DOCK2: variants seen among roughly 807,000 people sequenced by gnomAD.
DOCK2 encodes dedicator of cytokinesis protein 2.
A neutral mutation model predicts 248.9 loss-of-function variants in DOCK2; 87 were observed. The observed-to-expected ratio is 0.35, with a 90% CI of 0.29 to 0.42. DOCK2 has a LOEUF of 0.42. Ranked by LOEUF, DOCK2 falls within the 10% of genes least tolerant of loss-of-function variation. The probability of loss-of-function intolerance (pLI) is 1.00; values close to 1 mark genes in which losing one functional copy is unlikely to be tolerated. For synonymous variants in DOCK2, 805 were observed against 821.6 expected (o/e 0.98, Z 0.35); for missense variants, 1,747 against 2,300.2 (o/e 0.76, Z 4.92).
chr5:170,070,922 A>G (rs997145064), intron 46 of DOCK2, among the ~76,000 whole-genome samples: 5 of 152,352 alleles, frequency 3.3e-5, no homozygotes, highest in African/African-American at 1.2e-4. Context: ...GAAGGCTTTG[A>G]AAGCATGTAC....
chr5:169,972,300 A>G (rs1428554758), intron 27 of DOCK2, among the ~76,000 whole-genome samples: 1 of 152,162 alleles, frequency 6.6e-6, no homozygotes, highest in Non-Finnish European at 1.5e-5. Flanking sequence ...ATCATTTAGT[A>G]TCATAATGTA....
Position 169,747,442 on chromosome 5 carries a change from C to T in DOCK2, c.2314C>T (p.Arg772Trp), listed in dbSNP as rs746741865. 7 of 1,613,618 alleles carry T rather than the reference C, an allele frequency of 4.3e-6. No individual in the cohort carries two copies. Among genetic ancestry groups the T allele is most frequent in the Non-Finnish European group, 5.9e-6 (7 of 1,179,808 alleles). The change falls in exon 23 of 52, where the codon CGG becomes TGG. Residue 772 changes from arginine (R) to tryptophan (W), a missense_variant. Arg to Trp is a moderately radical substitution (Grantham distance 101, BLOSUM62 -3). Around this residue, in one of 4 missense-constraint regions of DOCK2, gnomAD observed 858 missense variants for 1,183.5 expected, o/e 0.72. Transcript: ENST00000520908. Reference protein sequence around the residue: ...EQMEFEESMRRLFESINNLMK... With the variant: ...EQMEFEESMRWLFESINNLMK... ...GATGGAGTTTGAAGAATCCATGAGA[C>T]GGCTCTTTGAATCCATCAACAATCT...
intron 26 of DOCK2, among the ~76,000 whole-genome samples, chr5:169,816,745 A>T (rs1203466295): frequency 2.6e-5 from 4 of 151,834 alleles, no homozygotes; most frequent in Admixed American, 2.0e-4. Context: ...GGTACGTGAG[A>T]TGTTTTGATA....
intron 34 of DOCK2, among the ~76,000 whole-genome samples, chr5:170,032,000 G>A (rs1756153030): frequency 6.6e-6 from 1 of 151,604 alleles, no homozygotes; most frequent in African/African-American, 2.4e-5. Flanking sequence ...ATGGAAGTTT[G>A]CAAAGTCTTG....
chr5:170,056,878 T>A, intron 43 of DOCK2, 110 bp downstream of exon 43: 1 of 971,442 alleles, frequency 1.0e-6, no homozygotes, highest in East Asian at 2.6e-5. Context: ...CCAGAGAAAA[T>A]AAAGCCAACC....
intron 26 of DOCK2, among the ~76,000 whole-genome samples, chr5:169,836,002 C>T (rs535102580): frequency 1.3e-4 from 20 of 152,152 alleles, no homozygotes; most frequent in Non-Finnish European, 2.4e-4. Context: ...GCAATCTTCC[C>T]GCCTGGGTCT....
At chr5:169,792,994 C>T (rs954245925) in intron 25 of DOCK2, among the ~76,000 whole-genome samples, 3 of 152,118 alleles carry the variant, frequency 2.0e-5, no homozygotes, top group African/African-American at 7.2e-5. Context: ...GGTGCAAGTA[C>T]CTTTCAGAAC....
intron 27 of DOCK2, among the ~76,000 whole-genome samples, chr5:169,895,711 G>A (rs1773557007): frequency 6.6e-6 from 1 of 151,942 alleles, no homozygotes; most frequent in African/African-American, 2.4e-5. Flanking sequence ...ACTTGGCAAA[G>A]CCTTTCTCTT....
At position 169,754,216 on chromosome 5, in the gene DOCK2, T is replaced by C. The variant is rs1764067406; in HGVS notation, c.2377-5489T>C. On this transcript the variant is annotated intron_variant, in intron 23 of 51. Coordinates refer to ENST00000520908, the MANE Select transcript of DOCK2 (RefSeq NM_004946.3). ...TGAGTTTGGAGGCATCCTAGTCTGG[T>C]TTTGATTTTTGTTGTTATGTTTAAA... Among the ~76,000 whole-genome samples, 3 of 152,178 alleles carry C rather than the reference T, an allele frequency of 2.0e-5. No homozygotes were observed. In the South Asian group the frequency reaches 6.2e-4, roughly 32 times the overall value.
rs556313528 is a variant in DOCK2, at chr5:170,056,543, C to T, written c.4296-141C>T. On this transcript the variant is annotated intron_variant, in intron 42 of 51. Coordinates refer to ENST00000520908, the MANE Select transcript of DOCK2 (RefSeq NM_004946.3). ...ACTCTTACGGAGCCCAGAACACAGA[C>T]CTTGATTTTAAATGCACCACAAGGG... 2.4e-5 allele frequency: 15 copies of T among 632,838 alleles called. No homozygotes were observed. In the African/African-American group the frequency reaches 2.8e-4, roughly 12 times the overall value. 39.2% of individuals were successfully genotyped at this position (632,838 alleles called of 1,614,324 possible). A position where few individuals can be genotyped will look rare whatever the true frequency, so the allele number is the denominator to read the frequency against.
chr5:169,833,648 G>A (rs1378644627), intron 26 of DOCK2, among the ~76,000 whole-genome samples: 1 of 152,156 alleles, frequency 6.6e-6, no homozygotes, highest in Non-Finnish European at 1.5e-5. Context: ...GAAAAAAACA[G>A]AAGACATCTG....
At chr5:169,898,873 C>A (rs1773763866) in intron 27 of DOCK2, among the ~76,000 whole-genome samples, 1 of 152,116 alleles carries the variant, frequency 6.6e-6, no homozygotes, top group African/African-American at 2.4e-5. Flanking sequence ...TGTAAAGCAG[C>A]AAGTCAGAGA....
chr5:169,674,241 A>G, intron 5 of DOCK2, 56 bp from the exon 6 acceptor site: 1 of 1,591,544 alleles, frequency 6.3e-7, no homozygotes, highest in Non-Finnish European at 8.6e-7. Context: ...AGCCTGCCAA[A>G]TAGATGGTCA....
At chr5:169,831,718 T>C (rs1769238509) in intron 26 of DOCK2, among the ~76,000 whole-genome samples, 1 of 152,228 alleles carries the variant, frequency 6.6e-6, no homozygotes, top group South Asian at 2.1e-4. Flanking sequence ...GAAAAGTACA[T>C]GCCACATATT....
chr5:170,077,489 C>T (rs559609694), intron 47 of DOCK2, among the ~76,000 whole-genome samples: 1 of 152,136 alleles, frequency 6.6e-6, no homozygotes, highest in African/African-American at 2.4e-5. Context: ...ATAGGAAATT[C>T]CAAAGTTTTA....
At chr5:170,002,685 A>T (rs1263788585) in intron 30 of DOCK2, among the ~76,000 whole-genome samples, 1 of 152,168 alleles carries the variant, frequency 6.6e-6, no homozygotes, top group Non-Finnish European at 1.5e-5. Context: ...CTTTTACCTT[A>T]TCTGGACTTT....
At chr5:170,014,751 C>T (rs1292787482) in intron 32 of DOCK2, among the ~76,000 whole-genome samples, 1 of 151,814 alleles carries the variant, frequency 6.6e-6, no homozygotes, top group African/African-American at 2.4e-5. Flanking sequence ...GGGCAGTAGG[C>T]AGGTGGAGGG....
chr5:169,870,454 G>C (rs569928226), intron 27 of DOCK2, among the ~76,000 whole-genome samples: 2 of 152,256 alleles, frequency 1.3e-5, no homozygotes, highest in East Asian at 3.9e-4. Context: ...TCTTGGCTGG[G>C]TAAACTGAAG....
At chr5:169,988,553 C>A (rs1778128916) in intron 29 of DOCK2, among the ~76,000 whole-genome samples, 1 of 151,862 alleles carries the variant, frequency 6.6e-6, no homozygotes, top group African/African-American at 2.4e-5. Context: ...TATCTTGTTG[C>A]CGAGGCTGGA....
Sources: gnomAD v4.1 joint callset for allele counts (sites outside exome capture counted in the v4.1 genomes callset) on GRCh38, gnomAD v4.1.1 for gene constraint, gnomAD v4.1.1 regional missense constraint, MANE v1.5 for transcripts, NCBI Gene and HGNC (gene_info 2026-07-23, HGNC 2026-07-21) for gene names.